The following HDAC9 variants were observed in gnomAD, a reference collection of about 807,000 sequenced individuals.
HDAC9 encodes the protein histone deacetylase 9.
Under a neutral mutation model 139.4 loss-of-function variants are expected in HDAC9, and 41 were observed. The observed-to-expected ratio is 0.29, with a 90% CI of 0.23 to 0.38. The LOEUF is 0.38. HDAC9 is among the 10% of genes least tolerant of loss of function. The pLI is 1.00. For synonymous variants in HDAC9, 517 were observed against 476.2 expected (o/e 1.09, Z -1.12); for missense variants, 1,147 against 1,297.0 (o/e 0.88, Z 1.78).
chr7:18,154,844 A>C (rs1304743357), intron 1 of HDAC9, among the ~76,000 whole-genome samples: 4 of 152,336 alleles, frequency 2.6e-5, no homozygotes, highest in African/African-American at 4.8e-5. Context: ...ATCATAACCC[A>C]TGCCTCCACG....
Position 18,732,664 on chromosome 7 carries a change from C to G in HDAC9, c.1909+4907C>G, listed in dbSNP as rs1419343031. Among the ~76,000 whole-genome samples the G allele has an allele frequency of 1.5e-5, 2 of 133,154 alleles. 1 individual carries two copies. The highest frequency in any genetic ancestry group is 3.2e-5 in the Non-Finnish European group (2 of 62,444). 87.4% of individuals were successfully genotyped at this position (133,154 alleles called of 152,430 possible). On this transcript the variant is annotated intron_variant, in intron 13 of 25. Transcript: ENST00000686413. ...GCATATGTGTATATATACACACACA[C>G]GTGTATATGTGTGCGTATGTGTACA...
chr7:18,707,920 G>A (rs551075902), intron 12 of HDAC9, among the ~76,000 whole-genome samples: 9 of 151,708 alleles, frequency 5.9e-5, no homozygotes, highest in African/African-American at 1.7e-4. Context: ...AGTTGGAAGC[G>A]ATGAGAGCAT....
At chr7:18,508,223 T>C (rs1265811110) in intron 2 of HDAC9, among the ~76,000 whole-genome samples, 1 of 152,178 alleles carries the variant, frequency 6.6e-6, no homozygotes, top group East Asian at 1.9e-4. Context: ...AGGGCAGTAT[T>C]AACTAGGGTA....
chr7:18,847,688 T>C (rs1797002341), intron 21 of HDAC9, among the ~76,000 whole-genome samples: 1 of 152,148 alleles, frequency 6.6e-6, no homozygotes, highest in Admixed American at 6.6e-5. Context: ...AACGAGGAAG[T>C]CTCCCCCTGA....
chr7:18,182,344 G>A (rs928066220), intron 2 of HDAC9, among the ~76,000 whole-genome samples: 32 of 152,186 alleles, frequency 2.1e-4, no homozygotes, highest in African/African-American at 6.3e-4. Context: ...TGTCGTACAA[G>A]TATTAGGAGC....
intron 21 of HDAC9, among the ~76,000 whole-genome samples, chr7:18,871,825 A>G (rs1469377706): frequency 6.6e-6 from 1 of 152,202 alleles, no homozygotes; most frequent in African/African-American, 2.4e-5. Flanking sequence ...CAAAATAAAG[A>G]GATCTGTGGA....
chr7:18,319,985 T>G (rs973120480), intron 1 of HDAC9, among the ~76,000 whole-genome samples: 1 of 152,236 alleles, frequency 6.6e-6, no homozygotes, highest in Non-Finnish European at 1.5e-5. Flanking sequence ...GGTCCAAATG[T>G]TAACCTTAAC....
At chr7:18,510,043 C>A (rs774163615) in intron 2 of HDAC9, among the ~76,000 whole-genome samples, 11 of 152,118 alleles carry the variant, frequency 7.2e-5, no homozygotes, top group Non-Finnish European at 1.2e-4. Context: ...AAAATGATTT[C>A]TTCTTTTATG....
intron 2 of HDAC9, among the ~76,000 whole-genome samples, chr7:18,201,051 C>T (rs568215593): frequency 3.3e-5 from 5 of 152,202 alleles, no homozygotes; most frequent in Admixed American, 2.0e-4. Flanking sequence ...ATAAGGGGAG[C>T]CAGGCCCAGT....
chr7:18,554,637 G>A (rs1263531707), intron 2 of HDAC9, among the ~76,000 whole-genome samples: 2 of 152,104 alleles, frequency 1.3e-5, no homozygotes, highest in East Asian at 1.9e-4. Context: ...GCCCAGCCCA[G>A]ATCACTCTTG....
At chr7:18,399,628 C>T (rs190404944) in intron 1 of HDAC9, among the ~76,000 whole-genome samples, 1 of 152,304 alleles carries the variant, frequency 6.6e-6, no homozygotes, top group African/African-American at 2.4e-5. Context: ...GGCTTCTTTT[C>T]CCCAAGCATC....
intron 2 of HDAC9, among the ~76,000 whole-genome samples, chr7:18,265,104 G>A (rs530799637): frequency 6.6e-6 from 1 of 152,080 alleles, no homozygotes; most frequent in African/African-American, 2.4e-5. Flanking sequence ...GAATGGAAAG[G>A]ACTTTTATTA....
In HDAC9 at chr7:19,000,859, G is replaced by T. The variant is rs1046948551; in HGVS notation, c.*4797G>T. 6.6e-6 allele frequency: 1 copy of T among 152,100 alleles called. No individual in the cohort carries two copies. Among genetic ancestry groups the T allele is most frequent in the Non-Finnish European group, 1.5e-5 (1 of 67,988 alleles). The allele number at this position is 152,100 out of a possible 1,614,324, so 9.4% of individuals were successfully genotyped here. On this transcript the variant is annotated 3_prime_UTR_variant, in exon 26 of 26. Transcript: ENST00000686413. ...GCAATCAAAAGTTTCTGAAATCTCT[G>T]TTTCCTTAGTAGAAATGACCTTGAC...
intron 6 of HDAC9, among the ~76,000 whole-genome samples, chr7:18,611,847 T>C (rs1056461456): frequency 6.6e-6 from 1 of 152,170 alleles, no homozygotes; most frequent in African/African-American, 2.4e-5. Flanking sequence ...GTAAAAGCAA[T>C]GATGAGAGAT....
chr7:18,354,762 G>T (rs377404454), intron 1 of HDAC9, among the ~76,000 whole-genome samples: 5 of 152,120 alleles, frequency 3.3e-5, no homozygotes, highest in Admixed American at 1.3e-4. Context: ...TGTGAAAAAG[G>T]CAATTCATCA....
At chr7:18,391,388 C>G (rs796930702) in intron 1 of HDAC9, among the ~76,000 whole-genome samples, 5 of 150,156 alleles carry the variant, frequency 3.3e-5, no homozygotes, top group African/African-American at 7.3e-5. Context: ...CCATCCCCCC[C>G]CCAAAAAAAA....
intron 7 of HDAC9, among the ~76,000 whole-genome samples, chr7:18,630,518 C>T (rs763091027): frequency 2.6e-4 from 39 of 151,954 alleles, no homozygotes; most frequent in African/African-American, 8.9e-4. Context: ...AAAGTTTGGC[C>T]GATAATTTTT....
In HDAC9 at chr7:18,176,642, G is replaced by C. The variant is rs1584475893; in HGVS notation, c.25+14293G>C. 4.6e-5 allele frequency among the ~76,000 whole-genome samples: 7 copies of C among 152,012 alleles called. No individual in the cohort carries two copies. The South Asian group carries it at 1.4e-3, about 31-fold the overall frequency. On this transcript the variant is annotated intron_variant, in intron 2 of 12. Transcript: ENST00000417496. ...ATACAGCTATGAAAATTCTGTTTGG[G>C]TAATTTTTTAAAAAATTTATTTTCA...
intron 1 of HDAC9, among the ~76,000 whole-genome samples, chr7:18,364,193 A>T (rs1293511983): frequency 6.6e-6 from 1 of 152,102 alleles, no homozygotes; most frequent in African/African-American, 2.4e-5. Flanking sequence ...ATTGCTGAAG[A>T]TCCCAGGCTT....
Sources: gnomAD v4.1 joint callset for allele counts (sites outside exome capture counted in the v4.1 genomes callset) on GRCh38, gnomAD v4.1.1 for gene constraint, MANE v1.5 for transcripts, NCBI Gene and HGNC (gene_info 2026-07-23, HGNC 2026-07-21) for gene names.